Variants in BICC1 observed in about 807,000 individuals in gnomAD.
BICC1 encodes protein bicaudal C homolog 1.
In BICC1, 43 loss-of-function variants were observed where a neutral mutation model predicts 111.0. That is an observed-to-expected ratio of 0.39 (90% CI 0.30 to 0.50). BICC1 has a LOEUF of 0.50. BICC1 is among the 20% of genes least tolerant of loss of function. BICC1 has a pLI of 0.88. For synonymous variants in BICC1, 467 were observed against 434.4 expected (o/e 1.07, Z -0.93); for missense variants, 1,091 against 1,203.2 (o/e 0.91, Z 1.38).
chr10:58,603,505 C>T (rs994408260), intron 1 of BICC1, among the ~76,000 whole-genome samples: 6 of 152,138 alleles, frequency 3.9e-5, no homozygotes, highest in African/African-American at 1.4e-4. Flanking sequence ...CCCGCTACCT[C>T]TATGTATCTT....
chr10:58,771,127 G>GT (rs1052861937), intron 3 of BICC1, among the ~76,000 whole-genome samples: 139 of 152,298 alleles, frequency 9.1e-4, no homozygotes, highest in African/African-American at 3.1e-3. Flanking sequence ...CTGACTTAGA[G>GT]TGAGTTCACA....
chr10:58,794,165 TTGTGTG>T (rs71006206), intron 9 of BICC1, among the ~76,000 whole-genome samples: 2,844 of 138,252 alleles, frequency 0.021, 52 homozygotes, highest in African/African-American at 0.055. Context: ...CTTACATGTT[TTGTGTG>T]TGTGTGTGTG....
At chr10:58,567,614 A>G (rs1336995420) in intron 1 of BICC1, among the ~76,000 whole-genome samples, 2 of 151,886 alleles carry the variant, frequency 1.3e-5, no homozygotes, top group African/African-American at 4.8e-5. Context: ...CAATTGGCTT[A>G]TTTGACTTTA....
chr10:58,743,303 T>G (rs1841727737), intron 3 of BICC1, among the ~76,000 whole-genome samples: 1 of 152,122 alleles, frequency 6.6e-6, no homozygotes, highest in African/African-American at 2.4e-5. Context: ...TCTCCAGGTC[T>G]CTCATCAATA....
At chr10:58,610,215 C>A (rs1845371937) in intron 1 of BICC1, among the ~76,000 whole-genome samples, 1 of 152,184 alleles carries the variant, frequency 6.6e-6, no homozygotes, top group African/African-American at 2.4e-5. Context: ...TTGATAGCAA[C>A]AGATGCTTTC....
chr10:58,542,419 A>G (rs1843015975), intron 1 of BICC1, among the ~76,000 whole-genome samples: 1 of 152,088 alleles, frequency 6.6e-6, no homozygotes, highest in Non-Finnish European at 1.5e-5. Flanking sequence ...TTAAGCTCCT[A>G]GAAGAAAACA....
intron 3 of BICC1, chr10:58,715,790 A>T: frequency 7.1e-7 from 1 of 1,406,510 alleles, no homozygotes; most frequent in Non-Finnish European, 9.9e-7. Context: ...ACAGGGAGAA[A>T]TTGTTAACTG....
chr10:58,822,099 A>C (rs141234622), intron 20 of BICC1, among the ~76,000 whole-genome samples: 138 of 152,238 alleles, frequency 9.1e-4, no homozygotes, highest in African/African-American at 3.1e-3. Context: ...TTATTTTATT[A>C]ATTTGCAAAT....
intron 3 of BICC1, among the ~76,000 whole-genome samples, chr10:58,763,304 G>A (rs1842369258): frequency 6.6e-6 from 1 of 152,160 alleles, no homozygotes; most frequent in South Asian, 2.1e-4. Flanking sequence ...ACTAGTCACT[G>A]TAGCTGATAG....
chr10:58,761,336 G>A (rs111471016), intron 3 of BICC1, among the ~76,000 whole-genome samples: 1 of 152,138 alleles, frequency 6.6e-6, no homozygotes, highest in Non-Finnish European at 1.5e-5. Flanking sequence ...CCTAGAGCTG[G>A]GGGCAGTGAC....
At chr10:58,754,397 A>G (rs1283549780) in intron 3 of BICC1, among the ~76,000 whole-genome samples, 1 of 152,214 alleles carries the variant, frequency 6.6e-6, no homozygotes, top group Non-Finnish European at 1.5e-5. Context: ...CTGTCAGCAA[A>G]CTGGATAATC....
chr10:58,786,559 G>C (rs1843016555), intron 4 of BICC1, among the ~76,000 whole-genome samples: 1 of 152,018 alleles, frequency 6.6e-6, no homozygotes, highest in Non-Finnish European at 1.5e-5. Flanking sequence ...TTGTAATTGT[G>C]TTTTCATCTG....
intron 3 of BICC1, among the ~76,000 whole-genome samples, chr10:58,714,331 T>C (rs553653301): frequency 8.5e-5 from 13 of 152,314 alleles, no homozygotes; most frequent in Non-Finnish European, 1.6e-4. Flanking sequence ...AGAAAATACC[T>C]ATGTAACAAA....
At chr10:58,669,262 T>G (rs931516765) in intron 2 of BICC1, among the ~76,000 whole-genome samples, 8 of 152,026 alleles carry the variant, frequency 5.3e-5, no homozygotes, top group African/African-American at 1.9e-4. Context: ...CAAAAAGTTT[T>G]GGGTTCCAAA....
Position 58,830,364 on chromosome 10 carries a change from A to G in BICC1, c.*1473A>G, listed in dbSNP as rs902385624. On this transcript the variant is annotated 3_prime_UTR_variant, in exon 21 of 21. Coordinates refer to ENST00000373886, the MANE Select transcript of BICC1 (RefSeq NM_001080512.3). ...TATTAATTTGTTAGAAAACTTTCCC[A>G]TAGGAAATGTTGTCAAGTTACCTGT... 6.6e-6 allele frequency: 1 copy of G among 152,164 alleles called. No homozygotes were observed. The highest frequency in any genetic ancestry group is 1.5e-5 in the Non-Finnish European group (1 of 68,024). The allele number at this position is 152,164 out of a possible 1,614,324, so 9.4% of individuals were successfully genotyped here.
At chr10:58,769,985 T>C (rs569937456) in intron 3 of BICC1, among the ~76,000 whole-genome samples, 170 of 152,278 alleles carry the variant, frequency 1.1e-3, no homozygotes, top group Middle Eastern at 3.4e-3. Context: ...ATCTTTATTA[T>C]ATGTTCAGTC....
At chr10:58,698,260 T>C (rs1840124339) in intron 2 of BICC1, among the ~76,000 whole-genome samples, 1 of 152,154 alleles carries the variant, frequency 6.6e-6, no homozygotes, top group Admixed American at 6.5e-5. Context: ...ACAGTGGGGA[T>C]GACAAGAGAC....
At chr10:58,812,237 T>G (rs1451140777) in intron 17 of BICC1, among the ~76,000 whole-genome samples, 1 of 151,788 alleles carries the variant, frequency 6.6e-6, no homozygotes, top group Non-Finnish European at 1.5e-5. Context: ...GCTGAGGGAT[T>G]GGCTGTGTTG....
Position 58,828,880 on chromosome 10 carries a change from G to A in BICC1, c.2914G>A (p.Gly972Ser). The change falls in exon 21 of 21, where the codon GGC (glycine) becomes AGC (serine). Residue 972 changes from glycine (G) to serine (S), a missense_variant. Coordinates refer to ENST00000373886, the MANE Select transcript of BICC1 (RefSeq NM_001080512.3). ...TCACTCAGACATTGCTAGTGTCAGT[G>A]GCCGCTGGTAGCAGCACCCTCTTGG... Reference protein sequence around the residue: ...QYHSDIASVSGRW With the variant: ...QYHSDIASVSSRW 1 of 1,613,834 alleles carries A rather than the reference G, an allele frequency of 6.2e-7. No homozygotes were observed. The highest frequency in any genetic ancestry group is 1.7e-4 in the Middle Eastern group (1 of 6,056).
Sources: allele counts gnomAD v4.1 joint callset (sites outside exome capture counted in the v4.1 genomes callset), GRCh38; gene constraint gnomAD v4.1.1; transcripts MANE v1.5; gene names NCBI Gene and HGNC (gene_info 2026-07-23, HGNC 2026-07-21).